Variants in TTYH2 observed in about 807,000 individuals in gnomAD.
The protein encoded by TTYH2 is tweety family member 2.
In TTYH2, 49 loss-of-function variants were observed where a neutral mutation model predicts 68.3. The observed-to-expected ratio is 0.72, with a 90% CI of 0.57 to 0.91. The LOEUF (loss-of-function observed/expected upper bound fraction) is 0.91. Among genes scored for constraint, TTYH2 ranks in the 40% least tolerant of loss-of-function variants. The pLI is 0.00. For missense variants in TTYH2, 631 were observed against 700.4 expected (o/e 0.90, Z 1.12); for synonymous variants, 272 against 300.8 (o/e 0.90, Z 0.99).
chr17:74,245,304 C>T lies in TTYH2; in HGVS notation c.804+1255C>T, dbSNP rs77544142. On this transcript the variant is annotated intron_variant, in intron 6 of 13. Transcript: ENST00000269346. ...GTTTGAAAGCATGCAGGAGCTGGGA[C>T]GGCTGTAAACAGTGCCACTGCTGGC... Among the ~76,000 whole-genome samples, 8 of 152,380 alleles carry T rather than the reference C, an allele frequency of 5.3e-5. No homozygotes were observed. In the East Asian group the frequency reaches 1.5e-3, roughly 29 times the overall value.
Position 74,213,587 on chromosome 17 carries a change from C to T in TTYH2, c.-1C>T. ...CTTGTGGGTAGCACTCGGGCCGAGC[C>T]ATGCAGGCGGCGCGCGTGGACTACA... On this transcript the variant is annotated 5_prime_UTR_variant, in exon 1 of 14. Transcript: ENST00000269346. The surrounding 1 kb of genome is among the most constrained non-coding windows in gnomAD (Gnocchi z 6.1). 6.2e-7 allele frequency: 1 copy of T among 1,610,144 alleles called. No homozygotes were observed. Among genetic ancestry groups the T allele is most frequent in the Non-Finnish European group, 8.5e-7 (1 of 1,178,804 alleles).
At chr17:74,258,192 C>G (rs114221553) in intron 13 of TTYH2, among the ~76,000 whole-genome samples, 1 of 152,078 alleles carries the variant, frequency 6.6e-6, no homozygotes, top group Non-Finnish European at 1.5e-5. Flanking sequence ...CTCATACTTG[C>G]GTATGCATCA....
chr17:74,246,556 G>C (rs1238209746), intron 6 of TTYH2, among the ~76,000 whole-genome samples: 4 of 152,126 alleles, frequency 2.6e-5, no homozygotes, highest in African/African-American at 9.7e-5. Flanking sequence ...GGAGCTGCCT[G>C]CAGGCTCAGC....
Position 74,257,125 on chromosome 17 carries a change from A to G in TTYH2, c.1525-3004A>G, listed in dbSNP as rs367722607. On this transcript the variant is annotated intron_variant, in intron 13 of 13. Transcript: ENST00000269346. Reference sequence around the variant, plus strand: ...CTGTGAAAAAAGAATTACTCTATGCACTGTGATGCCAAATAAAAATGATTT... The same window carrying G: ...CTGTGAAAAAAGAATTACTCTATGCGCTGTGATGCCAAATAAAAATGATTT... 7.7e-4 allele frequency: 118 copies of G among 152,366 alleles called. 2 individuals carry two copies. Among genetic ancestry groups the G allele is most frequent in the African/African-American group, 2.7e-3 (113 of 41,574 alleles). The allele number at this position is 152,366 out of a possible 1,614,324, so 9.4% of individuals were successfully genotyped here.
intron 2 of TTYH2, among the ~76,000 whole-genome samples, chr17:74,223,230 TC>T (rs1307378472): frequency 7.1e-6 from 1 of 141,456 alleles, no homozygotes; most frequent in Non-Finnish European, 1.5e-5. Flanking sequence ...CACCTCAGCC[TC>T]CCAAGTGGCT....
At chr17:74,255,699 A>G (rs1321578048) in intron 13 of TTYH2, among the ~76,000 whole-genome samples, 1 of 152,058 alleles carries the variant, frequency 6.6e-6, no homozygotes, top group African/African-American at 2.4e-5. Context: ...GGCCTCCCAA[A>G]GTGCTGGGAT....
At chr17:74,252,456 A>G in intron 11 of TTYH2, 80 bp downstream of exon 11, 2 of 1,501,102 alleles carry the variant, frequency 1.3e-6, no homozygotes, top group South Asian at 2.5e-5. Context: ...CTGCTCTACG[A>G]TTTAGCTGAT....
chr17:74,249,812 G>A (rs965885698), intron 8 of TTYH2, 124 bp from the exon 9 acceptor site: 3 of 1,142,562 alleles, frequency 2.6e-6, no homozygotes, highest in Non-Finnish European at 3.9e-6. Context: ...CAGCCAGGTG[G>A]GGGGGTGGGA....
Position 74,252,334 on chromosome 17 carries a change from T to C in TTYH2, c.1217T>C (p.Met406Thr), listed in dbSNP as rs1448127442. Reference protein sequence around the residue: ...SFLAALAFSTMICAGPRAWKH... With the variant: ...SFLAALAFSTTICAGPRAWKH... ...CTGGCCGCCCTCGCCTTCTCCACCA[T>C]GATCTGTGCAGGGCCAAGGGCCTGG... Residue 406 changes from methionine to threonine, a missense_variant, in exon 11 of 14, where the codon ATG (methionine) becomes ACG (threonine). Transcript: ENST00000269346. The C allele has an allele frequency of 6.8e-6, 11 of 1,613,970 alleles. No homozygotes were observed. Among genetic ancestry groups the C allele is most frequent in the Admixed American group, 1.7e-5 (1 of 60,026 alleles).
In TTYH2 at chr17:74,252,387, T is replaced by C; in HGVS notation, c.1259+11T>C. 1 of 1,612,080 alleles carries C rather than the reference T, an allele frequency of 6.2e-7. No individual in the cohort carries two copies. The highest frequency in any genetic ancestry group is 1.3e-5 in the African/African-American group (1 of 75,024). On this transcript the variant is annotated intron_variant, in intron 11 of 13. Transcript: ENST00000269346. ...GCACTTCACCACCAGGTGGGCTGCC[T>C]AGTAAGGAGGGGAGCCTCCCACAGC... is the stretch of plus-strand genomic sequence containing the variant.
intron 3 of TTYH2, among the ~76,000 whole-genome samples, chr17:74,235,035 C>T (rs965062622): frequency 2.6e-5 from 4 of 152,180 alleles, no homozygotes; most frequent in African/African-American, 9.7e-5. Context: ...TGTCTCCGTA[C>T]TCTGGTATCT....
intron 6 of TTYH2, among the ~76,000 whole-genome samples, chr17:74,245,301 G>C (rs377685858): frequency 6.6e-6 from 1 of 152,268 alleles, no homozygotes; most frequent in East Asian, 1.9e-4. Context: ...GCAGGAGCTG[G>C]GACGGCTGTA....
At chr17:74,216,612 A>C (rs995207354) in intron 1 of TTYH2, among the ~76,000 whole-genome samples, 2 of 152,176 alleles carry the variant, frequency 1.3e-5, no homozygotes, top group African/African-American at 4.8e-5. Context: ...CCCCCAGTGA[A>C]CTTGAGCCCA....
Position 74,232,947 on chromosome 17 carries a change from GTTCCA to G in TTYH2, c.414+1949_414+1953del, listed in dbSNP as rs2050405253. The stretch of plus-strand genomic sequence containing the variant: ...GCCAGGTTTGGACATTTCACAGCAG[GTTCCA>G]CTCTCTGAAATCCCTGCTCCAGGGC... On this transcript the variant is annotated intron_variant, in intron 3 of 13. Coordinates refer to ENST00000269346, the MANE Select transcript of TTYH2 (RefSeq NM_032646.6). This position sits in a 1 kb window ranked among gnomAD's most constrained non-coding sequence, Gnocchi z 5.1. Among the ~76,000 whole-genome samples, 1 of 152,150 alleles carries G rather than the reference GTTCCA, an allele frequency of 6.6e-6. No homozygotes were observed. Among genetic ancestry groups the G allele is most frequent in the Non-Finnish European group, 1.5e-5 (1 of 68,012 alleles).
intron 1 of TTYH2, among the ~76,000 whole-genome samples, chr17:74,216,353 A>T (rs2050221636): frequency 6.6e-6 from 1 of 152,136 alleles, no homozygotes. Flanking sequence ...TGCATCAGAG[A>T]CTAAGCAAGG....
chr17:74,252,438 AG>A, intron 11 of TTYH2, 62 bp downstream of exon 11: 1 of 1,573,188 alleles, frequency 6.4e-7, no homozygotes. Flanking sequence ...AGCAGCAGAC[AG>A]GGGCCTCTGC....
At chr17:74,259,297 C>T (rs1316212213) in intron 13 of TTYH2, among the ~76,000 whole-genome samples, 4 of 152,086 alleles carry the variant, frequency 2.6e-5, no homozygotes, top group Non-Finnish European at 2.9e-5. Flanking sequence ...GCAACCTCCA[C>T]CTCTTGGGCT....
chr17:74,226,203 AG>A (rs1405616480), intron 2 of TTYH2, among the ~76,000 whole-genome samples: 1 of 152,198 alleles, frequency 6.6e-6, no homozygotes, highest in Non-Finnish European at 1.5e-5. Flanking sequence ...CAGGGTCATG[AG>A]GGTGGCCAGT....
chr17:74,229,135 A>G (rs2050361415), intron 2 of TTYH2, among the ~76,000 whole-genome samples: 1 of 152,162 alleles, frequency 6.6e-6, no homozygotes, highest in Non-Finnish European at 1.5e-5. Context: ...AGACTGTGAC[A>G]TGGGTGGCCT....
Sources: gnomAD v4.1 joint callset for allele counts (sites outside exome capture counted in the v4.1 genomes callset) on GRCh38, gnomAD v4.1.1 for gene constraint, Gnocchi (gnomAD v3.1) non-coding constraint, MANE v1.5 for transcripts, NCBI Gene and HGNC (gene_info 2026-07-23, HGNC 2026-07-21) for gene names.